Variants in PTAR1 observed in about 807,000 individuals in gnomAD.
PTAR1 encodes the protein protein prenyltransferase alpha subunit repeat containing 1.
Under a neutral mutation model 45.5 loss-of-function variants are expected in PTAR1, and 17 were observed. The ratio of observed to expected loss-of-function variants is 0.37; its 90% CI spans 0.26 to 0.56. The LOEUF (loss-of-function observed/expected upper bound fraction) is 0.56, where lower values mean the gene tolerates loss of function less well. Among genes scored for constraint, PTAR1 ranks in the 20% least tolerant of loss-of-function variants. The probability of loss-of-function intolerance (pLI) is 0.77; values close to 1 mark genes in which losing one functional copy is unlikely to be tolerated. For missense variants in PTAR1, 391 were observed against 476.3 expected (o/e 0.82, Z 1.67); for synonymous variants, 169 against 171.3 (o/e 0.99, Z 0.11).
chr9:69,759,614 T>C (rs767889613), intron 1 of PTAR1, among the ~76,000 whole-genome samples: 29 of 152,096 alleles, frequency 1.9e-4, no homozygotes, highest in Admixed American at 3.9e-4. Context: ...GAGAAAGTAG[T>C]TCCGTTTTGA....
chr9:69,727,937 C>T (rs1825362267), intron 5 of PTAR1, among the ~76,000 whole-genome samples: 2 of 152,106 alleles, frequency 1.3e-5, no homozygotes, highest in African/African-American at 4.8e-5. Flanking sequence ...TTCACCACCC[C>T]CACAAAACCC....
Position 69,718,446 on chromosome 9 carries a change from T to C in PTAR1, c.1105A>G (p.Met369Val), listed in dbSNP as rs1294183236. ...TPVPDSLGLE[M>V]EHRFIDQVLS... is the part of the protein sequence containing the mutation. Reference sequence around the variant, plus strand: ...ACTTGATCAATGAACCTGTGCTCCATTTCTAGGCCTAGGGAGTCTGGAACT... The same window carrying C: ...ACTTGATCAATGAACCTGTGCTCCACTTCTAGGCCTAGGGAGTCTGGAACT... Residue 369 changes from methionine to valine, a missense_variant, in exon 8 of 8, where the codon ATG becomes GTG. Physicochemically the swap from Met to Val is conservative, Grantham distance 21. This residue lies in a region of PTAR1 where 181 missense variants were observed against 227.7 expected (regional missense o/e 0.80). Coordinates refer to ENST00000340434, the MANE Select transcript of PTAR1 (RefSeq NM_001099666.2). The C allele has an allele frequency of 6.2e-7, 1 of 1,613,728 alleles. No homozygotes were observed. The highest frequency in any genetic ancestry group is 1.1e-5 in the South Asian group (1 of 91,070).
intron 5 of PTAR1, among the ~76,000 whole-genome samples, chr9:69,725,911 A>G (rs138922458): frequency 1.3e-3 from 191 of 152,268 alleles, no homozygotes; most frequent in African/African-American, 4.4e-3. Flanking sequence ...TATACGTTAA[A>G]TATCTTTCTT....
intron 1 of PTAR1, among the ~76,000 whole-genome samples, chr9:69,756,760 A>C (rs1180300055): frequency 6.6e-6 from 1 of 152,118 alleles, no homozygotes; most frequent in Non-Finnish European, 1.5e-5. Flanking sequence ...CTCCCATAGC[A>C]CTTGCTCATC....
In PTAR1 at chr9:69,712,218, T is replaced by C. The variant is rs746133723; in HGVS notation, c.*6124A>G. 3 of 152,122 alleles carry C rather than the reference T, an allele frequency of 2.0e-5. No homozygotes were observed. Among genetic ancestry groups the C allele is most frequent in the Non-Finnish European group, 2.9e-5 (2 of 68,000 alleles). The allele number at this position is 152,122 out of a possible 1,614,324, so 9.4% of individuals were successfully genotyped here. A position where few individuals can be genotyped will look rare whatever the true frequency, so the allele number is the denominator to read the frequency against. On this transcript the variant is annotated 3_prime_UTR_variant, in exon 8 of 8. Transcript: ENST00000340434. ...TGCTATACTTAAAATTAAGGCTGAT[T>C]CCTAAAAGGTATGGAAGAAAAGCCA...
chr9:69,721,342 C>T (rs182922915), intron 6 of PTAR1, among the ~76,000 whole-genome samples: 7 of 152,202 alleles, frequency 4.6e-5, no homozygotes, highest in Admixed American at 4.6e-4. Flanking sequence ...GACTGAATTG[C>T]TTACAATCTC....
intron 1 of PTAR1, among the ~76,000 whole-genome samples, chr9:69,753,047 C>T (rs1826601880): frequency 6.6e-6 from 1 of 152,062 alleles, no homozygotes; most frequent in Admixed American, 6.6e-5. Context: ...CTACTTACAA[C>T]ACTTCAAAGA....
chr9:69,745,151 A>G (rs749779553), intron 2 of PTAR1, among the ~76,000 whole-genome samples: 1 of 152,220 alleles, frequency 6.6e-6, no homozygotes, highest in African/African-American at 2.4e-5. Flanking sequence ...TGACAAAGAA[A>G]TGAGTATTTT....
intron 5 of PTAR1, among the ~76,000 whole-genome samples, chr9:69,728,179 T>C (rs1041328628): frequency 6.6e-6 from 1 of 152,202 alleles, no homozygotes; most frequent in African/African-American, 2.4e-5. Context: ...CACATTTTGT[T>C]TTCCATTCCT....
At chr9:69,720,033 C>T (rs1049560462) in intron 6 of PTAR1, among the ~76,000 whole-genome samples, 2 of 152,078 alleles carry the variant, frequency 1.3e-5, no homozygotes, top group African/African-American at 4.8e-5. Context: ...GAAATTAGGC[C>T]AAGCAATAAT....
intron 3 of PTAR1, among the ~76,000 whole-genome samples, chr9:69,737,908 G>A (rs1825865387): frequency 6.6e-6 from 1 of 152,022 alleles, no homozygotes; most frequent in African/African-American, 2.4e-5. Flanking sequence ...CCTGTACCTA[G>A]TTTCTCTGCT....
intron 2 of PTAR1, among the ~76,000 whole-genome samples, chr9:69,746,430 A>T (rs73444537): frequency 0.044 from 6,638 of 152,280 alleles, 494 homozygotes; most frequent in African/African-American, 0.15. Context: ...ACTACAGGCA[A>T]TAACTTTGCC....
chr9:69,722,799 T>C (rs1231483901), intron 6 of PTAR1, among the ~76,000 whole-genome samples: 1 of 151,714 alleles, frequency 6.6e-6, no homozygotes, highest in Non-Finnish European at 1.5e-5. Flanking sequence ...ATTAGCCCGG[T>C]GTGGTGGTGG....
rs543045642 is a variant in PTAR1 at position 69,733,796 on chromosome 9, C to A, written c.428+354G>T. Reference sequence around the variant, plus strand: ...TGAGTATCTATAAATGCAATGCCCACAACTGCTTCAAAGAGTTAATAATAG... The same window carrying A: ...TGAGTATCTATAAATGCAATGCCCAAAACTGCTTCAAAGAGTTAATAATAG... On this transcript the variant is annotated intron_variant, in intron 4 of 7. Transcript: ENST00000340434. 7.9e-5 allele frequency among the ~76,000 whole-genome samples: 12 copies of A among 152,272 alleles called. No homozygotes were observed. The South Asian group carries it at 2.5e-3, about 32-fold the overall frequency.
chr9:69,715,461 A>G lies in PTAR1; in HGVS notation c.*2881T>C, dbSNP rs1401845584. On this transcript the variant is annotated 3_prime_UTR_variant, in exon 8 of 8. Transcript: ENST00000340434. ...ACCGTACTGCCAAAATAGGTACACT[A>G]AAGTACACTAAGGTACACTAAAGGC... 6.6e-6 allele frequency: 1 copy of G among 152,164 alleles called. No homozygotes were observed. Among genetic ancestry groups the G allele is most frequent in the African/African-American group, 2.4e-5 (1 of 41,470 alleles). The allele number at this position is 152,164 out of a possible 1,614,324, so 9.4% of individuals were successfully genotyped here. A position where few individuals can be genotyped will look rare whatever the true frequency, so the allele number is the denominator to read the frequency against.
chr9:69,731,294 G>A (rs2134106224), intron 5 of PTAR1, among the ~76,000 whole-genome samples: 1 of 152,178 alleles, frequency 6.6e-6, no homozygotes, highest in East Asian at 1.9e-4. Context: ...AGCATCACCT[G>A]GGGCACTTCA....
intron 1 of PTAR1, among the ~76,000 whole-genome samples, chr9:69,759,222 A>T (rs905421874): frequency 6.6e-6 from 1 of 152,250 alleles, no homozygotes; most frequent in African/African-American, 2.4e-5. Context: ...TATGCTAAAA[A>T]GTATCAAGGT....
chr9:69,723,275 C>A, intron 6 of PTAR1, 51 bp downstream of exon 6: 1 of 1,497,986 alleles, frequency 6.7e-7, no homozygotes, highest in South Asian at 1.2e-5. Flanking sequence ...TTCTGCAGCT[C>A]TCATGAAGAC....
chr9:69,717,540 T>C lies in PTAR1; in HGVS notation c.*802A>G, dbSNP rs1824778070. On this transcript the variant is annotated 3_prime_UTR_variant, in exon 8 of 8. Transcript: ENST00000340434. ...GATTACATTGGAAGCATTTTTTTCA[T>C]ATAAATTCCAATACTTCTGACTTTG... The C allele has an allele frequency of 1.3e-5, 2 of 152,230 alleles. No homozygotes were observed. The highest frequency in any genetic ancestry group is 4.1e-4 in the South Asian group (2 of 4,830). 9.4% of individuals were successfully genotyped at this position (152,230 alleles called of 1,614,324 possible). A position where few individuals can be genotyped will look rare whatever the true frequency, so the allele number is the denominator to read the frequency against.
Sources: allele counts gnomAD v4.1 joint callset (sites outside exome capture counted in the v4.1 genomes callset), GRCh38; gene constraint gnomAD v4.1.1; regional missense constraint gnomAD v4.1.1; transcripts MANE v1.5; gene names NCBI Gene and HGNC (gene_info 2026-07-23, HGNC 2026-07-21).